The following ACVR1C variants were observed in gnomAD, a reference collection of about 807,000 sequenced individuals.
ACVR1C encodes the protein activin receptor type-1C.
A neutral mutation model predicts 57.9 loss-of-function variants in ACVR1C; 23 were observed. That is an observed-to-expected ratio of 0.40 (90% CI 0.29 to 0.56). The LOEUF (loss-of-function observed/expected upper bound fraction) is 0.56, where lower values mean the gene tolerates loss of function less well. ACVR1C is among the 20% of genes least tolerant of loss of function. ACVR1C has a pLI of 0.50. For synonymous variants in ACVR1C, 214 were observed against 215.3 expected (o/e 0.99, Z 0.05); for missense variants, 480 against 607.9 (o/e 0.79, Z 2.21).
chr2:157,572,326 C>A (rs1222985684), intron 2 of ACVR1C, among the ~76,000 whole-genome samples: 1 of 146,962 alleles, frequency 6.8e-6, no homozygotes, highest in African/African-American at 2.5e-5. Context: ...TGTAACTAAC[C>A]TGCACAATGT....
chr2:157,618,384 A>C (rs1314259414), intron 1 of ACVR1C, among the ~76,000 whole-genome samples: 1 of 151,764 alleles, frequency 6.6e-6, no homozygotes, highest in Non-Finnish European at 1.5e-5. Context: ...TGAAGGCAAG[A>C]GGGGGAAATG....
intron 2 of ACVR1C, among the ~76,000 whole-genome samples, chr2:157,578,316 C>A (rs949641347): frequency 6.6e-6 from 1 of 152,154 alleles, no homozygotes; most frequent in South Asian, 2.1e-4. Flanking sequence ...TGACAACAGG[C>A]ACATTTTAAA....
Position 157,529,081 on chromosome 2 carries a change from G to A in ACVR1C, c.*4837C>T, listed in dbSNP as rs1687299564. 1.3e-5 allele frequency: 2 copies of A among 152,046 alleles called. No individual in the cohort carries two copies. Among genetic ancestry groups the A allele is most frequent in the Admixed American group, 6.6e-5 (1 of 15,244 alleles). 9.4% of individuals were successfully genotyped at this position (152,046 alleles called of 1,614,324 possible). The stretch of plus-strand genomic sequence containing the variant: ...AAACTGAGGGGAAAAAAAAGAGAAA[G>A]AGAGAAAAGTTAGATAATATCCCAC... On this transcript the variant is annotated 3_prime_UTR_variant, in exon 9 of 9. Coordinates refer to ENST00000243349, the MANE Select transcript of ACVR1C (RefSeq NM_145259.3).
chr2:157,535,468 A>C lies in ACVR1C; in HGVS notation c.1357-1425T>G, dbSNP rs116829125. ...TTTTAAAAGGAAAGAGAAATACAAA[A>C]TATGAGTAAAAAATGAGAATGTTTT... is the stretch of plus-strand genomic sequence containing the variant. On this transcript the variant is annotated intron_variant, in intron 8 of 8. Coordinates refer to ENST00000243349, the MANE Select transcript of ACVR1C (RefSeq NM_145259.3). Among the ~76,000 whole-genome samples the C allele has an allele frequency of 9.5e-3, 1,454 of 152,330 alleles. 9 individuals carry two copies. The highest frequency in any genetic ancestry group is 0.017 in the Admixed American group (256 of 15,294).
chr2:157,596,352 C>T (rs1682113528), intron 1 of ACVR1C, among the ~76,000 whole-genome samples: 2 of 152,202 alleles, frequency 1.3e-5, no homozygotes, highest in South Asian at 4.1e-4. Context: ...CAGAACGATA[C>T]TTGCCCCTTG....
At chr2:157,589,419 T>C (rs761774115) in intron 1 of ACVR1C, among the ~76,000 whole-genome samples, 4 of 152,034 alleles carry the variant, frequency 2.6e-5, no homozygotes, top group African/African-American at 4.8e-5. Flanking sequence ...GAGTTCCTTG[T>C]AGATTCTGGA....
At chr2:157,611,739 C>T (rs1249612926) in intron 1 of ACVR1C, among the ~76,000 whole-genome samples, 2 of 152,102 alleles carry the variant, frequency 1.3e-5, no homozygotes, top group Non-Finnish European at 2.9e-5. Context: ...GGGGGGCCAG[C>T]TCTTAAAGTT....
chr2:157,591,563 A>T (rs1176964726), intron 1 of ACVR1C, among the ~76,000 whole-genome samples: 1 of 152,036 alleles, frequency 6.6e-6, no homozygotes, highest in Non-Finnish European at 1.5e-5. Context: ...GTTATTCTTC[A>T]CTTGCATATT....
intron 1 of ACVR1C, among the ~76,000 whole-genome samples, chr2:157,611,889 T>C (rs1252421401): frequency 6.6e-6 from 1 of 152,142 alleles, no homozygotes; most frequent in East Asian, 1.9e-4. Context: ...TGCAGGGGCA[T>C]AGGCTGTAGT....
At chr2:157,534,914 G>T (rs953615484) in intron 8 of ACVR1C, among the ~76,000 whole-genome samples, 1 of 152,074 alleles carries the variant, frequency 6.6e-6, no homozygotes, top group African/African-American at 2.4e-5. Context: ...CTAGCACTTT[G>T]GTAGGCCGAG....
intron 4 of ACVR1C, among the ~76,000 whole-genome samples, chr2:157,549,119 G>A (rs527442647): frequency 6.6e-6 from 1 of 152,282 alleles, no homozygotes; most frequent in South Asian, 2.1e-4. Flanking sequence ...ACTTTAGGAG[G>A]CCGAGGGGGG....
Position 157,544,475 on chromosome 2 carries a change from G to A in ACVR1C, c.913C>T (p.His305Tyr), listed in dbSNP as rs769962260. 4 of 1,613,564 alleles carry A rather than the reference G, an allele frequency of 2.5e-6. No individual in the cohort carries two copies. The highest frequency in any genetic ancestry group is 3.3e-5 in the Admixed American group (2 of 59,936). Residue 305 changes from histidine to tyrosine, a missense_variant, in exon 5 of 9, where the codon CAC (histidine) becomes TAC (tyrosine). By Grantham distance (83) the His-to-Tyr change is moderately conservative (BLOSUM62 2). Coordinates refer to ENST00000243349, the MANE Select transcript of ACVR1C (RefSeq NM_145259.3). Reference sequence around the variant, plus strand: ...GTACCAACAATCTCCATATGAAGGTGTGCCAGACCACTAGCAATTGAGAGC... The same window carrying A: ...GTACCAACAATCTCCATATGAAGGTATGCCAGACCACTAGCAATTGAGAGC... ...LALSIASGLAHLHMEIVGTQG... is the reference protein window; with the variant it reads ...LALSIASGLAYLHMEIVGTQG...
chr2:157,608,837 C>T lies in ACVR1C; in HGVS notation c.73+19735G>A, dbSNP rs371682097. Among the ~76,000 whole-genome samples the T allele has an allele frequency of 8.6e-5, 13 of 151,884 alleles. No individual in the cohort carries two copies. In the East Asian group the frequency reaches 1.4e-3, roughly 16 times the overall value. ...AATTATAGTATCTCCTTGTTCACTT[C>T]TGATTTTGTTTATTTGTGTCTTCTC... On this transcript the variant is annotated intron_variant, in intron 1 of 8. Transcript: ENST00000243349.
intron 2 of ACVR1C, among the ~76,000 whole-genome samples, chr2:157,573,265 G>A (rs1208195660): frequency 6.6e-6 from 1 of 152,126 alleles, no homozygotes; most frequent in Non-Finnish European, 1.5e-5. Flanking sequence ...TACCACAATT[G>A]ATTAAATTAT....
At chr2:157,627,920 A>T (rs942807223) in intron 1 of ACVR1C, among the ~76,000 whole-genome samples, 33 of 152,374 alleles carry the variant, frequency 2.2e-4, no homozygotes, top group African/African-American at 7.5e-4. Context: ...TAGCCTATCA[A>T]GGCACAGACC....
chr2:157,592,372 A>T (rs1689068423), intron 1 of ACVR1C, among the ~76,000 whole-genome samples: 2 of 152,114 alleles, frequency 1.3e-5, no homozygotes, highest in Admixed American at 1.3e-4. Flanking sequence ...TATCCTGGTT[A>T]AAAGTAAAAG....
chr2:157,628,691 G>C lies in ACVR1C; in HGVS notation c.-47C>G. 1.4e-6 allele frequency: 2 copies of C among 1,473,786 alleles called. No individual in the cohort carries two copies. Among genetic ancestry groups the C allele is most frequent in the Non-Finnish European group, 1.8e-6 (2 of 1,111,336 alleles). The allele number at this position is 1,473,786 out of a possible 1,614,324, so 91.3% of individuals were successfully genotyped here. ...GGGCTGCGAGGCCCCAGAGCAGAGC[G>C]AGGCAGCCGGGGCAGCACGGCCCGC... On this transcript the variant is annotated 5_prime_UTR_variant, in exon 1 of 9. Coordinates refer to ENST00000243349, the MANE Select transcript of ACVR1C (RefSeq NM_145259.3).
chr2:157,554,800 T>C (rs1413336455), intron 3 of ACVR1C, among the ~76,000 whole-genome samples: 2 of 152,116 alleles, frequency 1.3e-5, no homozygotes, highest in Non-Finnish European at 2.9e-5. Flanking sequence ...TGGGCTACTA[T>C]CTTAATGATC....
chr2:157,547,637 T>G lies in ACVR1C; in HGVS notation c.775+2525A>C, dbSNP rs1687798320. Reference sequence around the variant, plus strand: ...TCTTCTTTTGAGAAGTGTCTGTTCATGTCCTTTGCCCACTTTTTGATGGGG... The same window carrying G: ...TCTTCTTTTGAGAAGTGTCTGTTCAGGTCCTTTGCCCACTTTTTGATGGGG... On this transcript the variant is annotated intron_variant, in intron 4 of 8. Transcript: ENST00000243349. Among the ~76,000 whole-genome samples, 10 of 141,020 alleles carry G rather than the reference T, an allele frequency of 7.1e-5. No homozygotes were observed. The South Asian group carries it at 2.4e-3, about 34-fold the overall frequency. 92.5% of individuals were successfully genotyped at this position (141,020 alleles called of 152,430 possible). A position where few individuals can be genotyped will look rare whatever the true frequency, so the allele number is the denominator to read the frequency against.
Sources: gnomAD v4.1 joint callset for allele counts (sites outside exome capture counted in the v4.1 genomes callset) on GRCh38, gnomAD v4.1.1 for gene constraint, MANE v1.5 for transcripts, NCBI Gene and HGNC (gene_info 2026-07-23, HGNC 2026-07-21) for gene names.